Variants in TEKT1 observed in about 807,000 individuals in gnomAD.
TEKT1 encodes tektin-1.
TEKT1 carries 32 observed loss-of-function variants against 34.8 expected under a neutral mutation model. The ratio of observed to expected loss-of-function variants is 0.92; its 90% CI spans 0.69 to 1.23. The LOEUF is 1.23. TEKT1 is among the 50% of genes most tolerant of loss of function. The pLI is 0.00. For synonymous variants in TEKT1, 207 were observed against 199.8 expected (o/e 1.04, Z -0.30); for missense variants, 492 against 518.5 (o/e 0.95, Z 0.50).
intron 6 of TEKT1, among the ~76,000 whole-genome samples, chr17:6,809,724 T>A (rs763451146): frequency 9.2e-5 from 14 of 152,226 alleles, no homozygotes; most frequent in Non-Finnish European, 1.6e-4. Context: ...GAATGTCATA[T>A]AGTTGGACTT....
At chr17:6,827,699 T>C (rs1904450250) in intron 2 of TEKT1, among the ~76,000 whole-genome samples, 1 of 152,192 alleles carries the variant, frequency 6.6e-6, no homozygotes, top group African/African-American at 2.4e-5. Context: ...ATCAACACTT[T>C]TAAATACTAG....
chr17:6,816,706 C>G (rs140703035), intron 3 of TEKT1, among the ~76,000 whole-genome samples: 1,885 of 152,220 alleles, frequency 0.012, 50 homozygotes, highest in East Asian at 0.11. Context: ...GTGCATATGT[C>G]TTTATAGTAG....
intron 6 of TEKT1, 55 bp downstream of exon 6, chr17:6,812,776 C>T: frequency 6.4e-7 from 1 of 1,562,532 alleles, no homozygotes. Context: ...TCTTGTTTTC[C>T]ATGGTGAAAG....
intron 3 of TEKT1, among the ~76,000 whole-genome samples, chr17:6,817,242 G>A (rs893810500): frequency 6.6e-6 from 1 of 151,734 alleles, no homozygotes; most frequent in Non-Finnish European, 1.5e-5. Flanking sequence ...AAGAGTGGTG[G>A]TGCATGCCTG....
At chr17:6,815,753 C>T (rs149579829) in intron 4 of TEKT1, 81 bp downstream of exon 4, 2 of 1,580,242 alleles carry the variant, frequency 1.3e-6, no homozygotes, top group Non-Finnish European at 1.7e-6. Context: ...TCTTTCTGTG[C>T]CATGGAGCCC....
At chr17:6,814,975 G>A (rs1162097976) in intron 5 of TEKT1, 188 bp downstream of exon 5, 2 of 601,662 alleles carry the variant, frequency 3.3e-6, no homozygotes, top group Non-Finnish European at 5.7e-6. Flanking sequence ...GACTTTCTTA[G>A]TTAGTGAGCC....
chr17:6,806,249 G>A (rs1024145299), intron 6 of TEKT1, among the ~76,000 whole-genome samples: 3 of 152,202 alleles, frequency 2.0e-5, no homozygotes, highest in Admixed American at 2.0e-4. Flanking sequence ...TTTGATCTTT[G>A]TTGGTTTAAA....
chr17:6,817,268 A>G (rs1023707998), intron 3 of TEKT1, among the ~76,000 whole-genome samples: 1 of 151,690 alleles, frequency 6.6e-6, no homozygotes, highest in Admixed American at 6.6e-5. Flanking sequence ...CTAGCTACTC[A>G]GGAGGCTGAG....
chr17:6,827,675 A>G (rs533795100), intron 2 of TEKT1, among the ~76,000 whole-genome samples: 2 of 152,288 alleles, frequency 1.3e-5, no homozygotes, highest in East Asian at 3.9e-4. Context: ...TATATAGATT[A>G]ATTTTTGAAG....
At chr17:6,806,830 G>C (rs1004455358) in intron 6 of TEKT1, among the ~76,000 whole-genome samples, 1 of 152,190 alleles carries the variant, frequency 6.6e-6, no homozygotes, top group African/African-American at 2.4e-5. Context: ...TTTCTGCTGA[G>C]AGATCAGCTG....
chr17:6,830,106 C>A (rs1338723565), intron 2 of TEKT1, 81 bp downstream of exon 2: 47 of 1,335,124 alleles, frequency 3.5e-5, no homozygotes, highest in Non-Finnish European at 4.5e-5. Context: ...AATATGTTGC[C>A]ACATCTGAAC....
intron 2 of TEKT1, among the ~76,000 whole-genome samples, chr17:6,829,008 G>T (rs112241111): frequency 6.6e-6 from 1 of 151,894 alleles, no homozygotes; most frequent in Non-Finnish European, 1.5e-5. Context: ...AAAATTAGCC[G>T]GGTGTGATGG....
chr17:6,820,031 A>G (rs1977064202), intron 2 of TEKT1, among the ~76,000 whole-genome samples: 1 of 152,088 alleles, frequency 6.6e-6, no homozygotes, highest in Admixed American at 6.6e-5. Flanking sequence ...TTCACTCATT[A>G]TCAGTTTTGA....
At chr17:6,826,675 G>A (rs995892872) in intron 2 of TEKT1, among the ~76,000 whole-genome samples, 2 of 150,802 alleles carry the variant, frequency 1.3e-5, no homozygotes, top group Admixed American at 6.6e-5. Flanking sequence ...TAGATAATAC[G>A]AGGTAGGGGT....
intron 6 of TEKT1, among the ~76,000 whole-genome samples, chr17:6,810,634 C>T (rs143143636): frequency 0.037 from 5,605 of 152,280 alleles, 141 homozygotes; most frequent in Middle Eastern, 0.14. Context: ...GATGTTCTCA[C>T]GGCTTTGCAC....
At position 6,811,648 on chromosome 17, in the gene TEKT1, C is replaced by G. The variant is rs1008949471; in HGVS notation, c.852+1183G>C. ...AATAAATCTTGTCCACAACTGGACTCTGAGCTCTGGGAGGGAGTGTTCAGG... is the reference window on the plus strand; with the variant it reads ...AATAAATCTTGTCCACAACTGGACTGTGAGCTCTGGGAGGGAGTGTTCAGG... On this transcript the variant is annotated intron_variant, in intron 6 of 7. Transcript: ENST00000338694. The surrounding 1 kb of genome is among the most constrained non-coding windows in gnomAD (Gnocchi z 4.4). Among the ~76,000 whole-genome samples, 5 of 152,124 alleles carry G rather than the reference C, an allele frequency of 3.3e-5. No individual in the cohort carries two copies. Among genetic ancestry groups the G allele is most frequent in the African/African-American group, 1.2e-4 (5 of 41,430 alleles).
At chr17:6,830,477 A>T in intron 1 of TEKT1, 84 bp from the exon 2 acceptor site, 5 of 943,910 alleles carry the variant, frequency 5.3e-6, no homozygotes, top group Non-Finnish European at 7.7e-6. Context: ...TGACATATAT[A>T]CGGAAAATTG....
Position 6,799,615 on chromosome 17 carries a change from A to AG in TEKT1, c.*411dup, listed in dbSNP as rs1976737834. Reference sequence around the variant, plus strand: ...TCTTTATGTTATTTGAGTATTTAAGAGAAAAAAAACACATTATTTTCTAGA... The same window carrying AG: ...TCTTTATGTTATTTGAGTATTTAAGAGGAAAAAAAACACATTATTTTCTAGA... On this transcript the variant is annotated 3_prime_UTR_variant, in exon 8 of 8. Coordinates refer to ENST00000338694, the MANE Select transcript of TEKT1 (RefSeq NM_053285.2). 1 of 154,142 alleles carries AG rather than the reference A, an allele frequency of 6.5e-6. No individual in the cohort carries two copies. The highest frequency in any genetic ancestry group is 1.4e-5 in the Non-Finnish European group (1 of 69,782). The allele number at this position is 154,142 out of a possible 1,614,324, so 9.5% of individuals were successfully genotyped here.
At position 6,806,848 on chromosome 17, in the gene TEKT1, G is replaced by T. The variant is rs1976851647; in HGVS notation, c.853-5905C>A. Among the ~76,000 whole-genome samples, 5 of 152,280 alleles carry T rather than the reference G, an allele frequency of 3.3e-5. No homozygotes were observed. The South Asian group carries it at 1.0e-3, about 32-fold the overall frequency. ...CTGCTGAGAGATCAGCTGTTAGTCT[G>T]ATGGGCTTCCCTTTGTGGGTAACCC... On this transcript the variant is annotated intron_variant, in intron 6 of 7. Coordinates refer to ENST00000338694, the MANE Select transcript of TEKT1 (RefSeq NM_053285.2).
Sources: allele counts gnomAD v4.1 joint callset (sites outside exome capture counted in the v4.1 genomes callset), GRCh38; gene constraint gnomAD v4.1.1; non-coding constraint Gnocchi (gnomAD v3.1); transcripts MANE v1.5; gene names NCBI Gene and HGNC (gene_info 2026-07-23, HGNC 2026-07-21).